The following CDH18 variants were observed in gnomAD, a reference collection of about 807,000 sequenced individuals.
CDH18 encodes the protein cadherin-18.
Under a neutral mutation model 67.9 loss-of-function variants are expected in CDH18, and 31 were observed. The ratio of observed to expected loss-of-function variants is 0.46; its 90% CI spans 0.34 to 0.62. The LOEUF is 0.62. Ranked by LOEUF, CDH18 falls within the 20% of genes least tolerant of loss-of-function variation. The pLI, the probability that CDH18 is intolerant of heterozygous loss-of-function variation, is 0.01. For synonymous variants in CDH18, 362 were observed against 347.2 expected, an observed-to-expected ratio of 1.04 and a Z score of -0.48; for missense variants, 890 against 975.5, an observed-to-expected ratio of 0.91 and a Z score of 1.17.
intron 3 of CDH18, among the ~76,000 whole-genome samples, chr5:19,754,782 A>C (rs1447566513): frequency 6.6e-6 from 1 of 152,176 alleles, no homozygotes; most frequent in Non-Finnish European, 1.5e-5. Flanking sequence ...GCCTCAATAA[A>C]TTTAAGAAAA....
intron 2 of CDH18, among the ~76,000 whole-genome samples, chr5:20,123,739 T>A (rs528731175): frequency 6.6e-6 from 1 of 151,896 alleles, no homozygotes; most frequent in African/African-American, 2.4e-5. Flanking sequence ...TACAAAAAAA[T>A]TAGCCGGGTG....
intron 2 of CDH18, among the ~76,000 whole-genome samples, chr5:20,068,442 A>G (rs1743169847): frequency 6.6e-6 from 1 of 152,226 alleles, no homozygotes; most frequent in African/African-American, 2.4e-5. Flanking sequence ...CTCCTGAGGA[A>G]AATGGCCAGG....
chr5:19,820,340 T>C (rs116569345), intron 3 of CDH18, among the ~76,000 whole-genome samples: 239 of 151,818 alleles, frequency 1.6e-3, no homozygotes, highest in African/African-American at 5.6e-3. Context: ...GCTCCTGGAG[T>C]AGACAACAGA....
chr5:20,213,937 G>C (rs779488475), intron 2 of CDH18, among the ~76,000 whole-genome samples: 4 of 151,906 alleles, frequency 2.6e-5, no homozygotes, highest in Non-Finnish European at 5.9e-5. Flanking sequence ...AACTATCCTT[G>C]TTTGCAGATG....
At chr5:20,554,369 A>G (rs1335690777) in intron 1 of CDH18, among the ~76,000 whole-genome samples, 2 of 152,220 alleles carry the variant, frequency 1.3e-5, no homozygotes, top group African/African-American at 4.8e-5. Context: ...AACCTTCTAG[A>G]TAATCTACCT....
intron 1 of CDH18, among the ~76,000 whole-genome samples, chr5:20,573,841 ATATG>A (rs1454791153): frequency 4.6e-5 from 3 of 64,882 alleles, no homozygotes; most frequent in African/African-American, 1.8e-4. Context: ...ATATATATAT[ATATG>A]TATTTATATA....
intron 2 of CDH18, among the ~76,000 whole-genome samples, chr5:20,073,452 T>A (rs983760077): frequency 6.6e-6 from 1 of 152,030 alleles, no homozygotes; most frequent in Non-Finnish European, 1.5e-5. Context: ...TGAACCAGAA[T>A]TTTTTTCTGT....
Position 20,224,223 on chromosome 5 carries a change from A to T in CDH18, c.-518+31221T>A, listed in dbSNP as rs181476708. The stretch of plus-strand genomic sequence containing the variant: ...ATACTTTCCTCAGTCTTGTTTCTAG[A>T]AATATAGGTCAAGTATTTAATCATC... On this transcript the variant is annotated intron_variant, in intron 2 of 14. Coordinates refer to the CDH18 transcript ENST00000507958. Among the ~76,000 whole-genome samples, 125 of 152,230 alleles carry T rather than the reference A, an allele frequency of 8.2e-4. 1 individual carries two copies. The highest frequency in any genetic ancestry group is 2.8e-3 in the African/African-American group (115 of 41,556).
chr5:19,623,197 T>C (rs1041319535), intron 5 of CDH18, among the ~76,000 whole-genome samples: 3 of 152,186 alleles, frequency 2.0e-5, no homozygotes, highest in Non-Finnish European at 4.4e-5. Flanking sequence ...ATGTTGTATT[T>C]AGAGGATAAG....
chr5:20,154,891 C>G (rs1177948968), intron 2 of CDH18, among the ~76,000 whole-genome samples: 2 of 152,128 alleles, frequency 1.3e-5, no homozygotes, highest in Non-Finnish European at 2.9e-5. Flanking sequence ...ACCCAGTCAT[C>G]ATGTTTTTCT....
intron 1 of CDH18, among the ~76,000 whole-genome samples, chr5:20,524,031 C>A (rs1054285879): frequency 6.6e-6 from 1 of 152,210 alleles, no homozygotes; most frequent in South Asian, 2.1e-4. Flanking sequence ...TTGTGTTAAA[C>A]GGAGATAAAT....
intron 3 of CDH18, among the ~76,000 whole-genome samples, chr5:19,756,888 G>C (rs1442199141): frequency 6.6e-6 from 1 of 152,182 alleles, no homozygotes; most frequent in African/African-American, 2.4e-5. Context: ...CCGGATCCAT[G>C]AATCTTCGCT....
chr5:19,742,202 G>A (rs975267672), intron 4 of CDH18, among the ~76,000 whole-genome samples: 4 of 151,906 alleles, frequency 2.6e-5, no homozygotes, highest in African/African-American at 4.8e-5. Context: ...GCAATATAGC[G>A]CAGTGCAATT....
intron 2 of CDH18, among the ~76,000 whole-genome samples, chr5:19,866,201 T>C (rs895052554): frequency 2.6e-5 from 4 of 152,224 alleles, no homozygotes; most frequent in African/African-American, 7.2e-5. Flanking sequence ...TTGAGGCGTT[T>C]CTATAATAAA....
At chr5:19,747,355 C>T (rs1770164155) in intron 3 of CDH18, 119 bp from the exon 4 acceptor site, 1 of 763,460 alleles carries the variant, frequency 1.3e-6, no homozygotes, top group Non-Finnish European at 2.1e-6. Context: ...TTTACAGTGC[C>T]CTGTGTGTTA....
chr5:19,871,726 G>A (rs572717128), intron 2 of CDH18, among the ~76,000 whole-genome samples: 1 of 152,164 alleles, frequency 6.6e-6, no homozygotes, highest in East Asian at 1.9e-4. Context: ...TCTGCATTCA[G>A]CCAACAGATG....
chr5:19,513,018 TGAGAA>T lies in CDH18; in HGVS notation c.1512+7634_1512+7638del, dbSNP rs1297269371. ...TTAGTAGAATTCACCATTAAAGCCA[TGAGAA>T]GAGAATTTATTTGTGGAAAGGTTTT... On this transcript the variant is annotated intron_variant, in intron 10 of 12. Transcript: ENST00000382275. 2.6e-5 allele frequency among the ~76,000 whole-genome samples: 4 copies of T among 152,172 alleles called. No individual in the cohort carries two copies. In the East Asian group the frequency reaches 7.7e-4, roughly 29 times the overall value.
intron 1 of CDH18, among the ~76,000 whole-genome samples, chr5:20,415,710 T>C (rs1747249445): frequency 6.6e-6 from 1 of 152,052 alleles, no homozygotes; most frequent in Non-Finnish European, 1.5e-5. Flanking sequence ...GAGGCGGAAG[T>C]TGCAGTGGCT....
chr5:20,324,721 T>G (rs555128604), intron 1 of CDH18, among the ~76,000 whole-genome samples: 1 of 152,280 alleles, frequency 6.6e-6, no homozygotes, highest in Admixed American at 6.5e-5. Context: ...TCTATGTTGT[T>G]TACAGTCCAA....
Sources: allele counts gnomAD v4.1 joint callset (sites outside exome capture counted in the v4.1 genomes callset), GRCh38; gene constraint gnomAD v4.1.1; transcripts MANE v1.5; gene names NCBI Gene and HGNC (gene_info 2026-07-23, HGNC 2026-07-21).